OPCML: variants seen among roughly 807,000 people sequenced by gnomAD.
OPCML encodes opioid-binding protein/cell adhesion molecule.
A neutral mutation model predicts 37.8 loss-of-function variants in OPCML; 13 were observed. That is an observed-to-expected ratio of 0.34 (90% confidence interval 0.22 to 0.55). OPCML has a LOEUF of 0.55. Ranked by LOEUF, OPCML falls within the 20% of genes least tolerant of loss-of-function variation. OPCML has a pLI of 0.91. For missense variants in OPCML, 341 were observed against 435.6 expected, an observed-to-expected ratio of 0.78 and a Z score of 1.93; for synonymous variants, 176 against 168.8, an observed-to-expected ratio of 1.04 and a Z score of -0.33.
chr11:132,935,453 T>G (rs1351272605), intron 2 of OPCML, among the ~76,000 whole-genome samples: 1 of 152,208 alleles, frequency 6.6e-6, no homozygotes, highest in African/African-American at 2.4e-5. Context: ...CCAGAAAACT[T>G]AACAACCACT....
At position 132,420,157 on chromosome 11, in the gene OPCML, G is replaced by C. The variant is rs771344546; in HGVS notation, c.*36C>G. The C allele has an allele frequency of 3.8e-6, 6 of 1,580,902 alleles. No homozygotes were observed. Among genetic ancestry groups the C allele is most frequent in the Non-Finnish European group, 5.2e-6 (6 of 1,150,780 alleles). On this transcript the variant is annotated 3_prime_UTR_variant, in exon 8 of 8. Coordinates refer to ENST00000524381, the MANE Select transcript of OPCML (RefSeq NM_001012393.5). ...TGTAGATTAAAGTCTGTGATATGGAGAAGCAGGCGTTGCTCAGAGGACCTA... is the reference window on the plus strand; with the variant it reads ...TGTAGATTAAAGTCTGTGATATGGACAAGCAGGCGTTGCTCAGAGGACCTA...
At chr11:132,945,768 CT>C (rs1305005837) in intron 1 of OPCML, among the ~76,000 whole-genome samples, 1 of 152,148 alleles carries the variant, frequency 6.6e-6, no homozygotes, top group African/African-American at 2.4e-5. Flanking sequence ...TTATTCTAAG[CT>C]TTTTTCCACT....
rs146058098 is a variant in OPCML at position 132,471,511 on chromosome 11, T to G, written c.506-34152A>C. On this transcript the variant is annotated intron_variant, in intron 4 of 7. Coordinates refer to ENST00000524381, the MANE Select transcript of OPCML (RefSeq NM_001012393.5). ...CAAATGCCAGCTGGGGCTGCAACCA[T>G]CAGAAAGTTTGCTTGGGGCTGGAGG... 2.7e-3 allele frequency among the ~76,000 whole-genome samples: 412 copies of G among 152,300 alleles called. 2 individuals carry two copies. The highest frequency in any genetic ancestry group is 9.3e-3 in the African/African-American group (387 of 41,558).
chr11:132,507,597 A>AT (rs2096260044), intron 4 of OPCML, among the ~76,000 whole-genome samples: 2 of 147,764 alleles, frequency 1.4e-5, no homozygotes, highest in South Asian at 2.1e-4. Context: ...AAACAACAAA[A>AT]ATTTTTTTTA....
intron 1 of OPCML, chr11:133,419,352 T>C: frequency 9.1e-6 from 9 of 985,414 alleles, no homozygotes; most frequent in Non-Finnish European, 1.1e-5. Context: ...CTGATAGTGA[T>C]GTGCTGGAGT....
At chr11:132,611,181 C>T (rs554012459) in intron 3 of OPCML, among the ~76,000 whole-genome samples, 5 of 152,120 alleles carry the variant, frequency 3.3e-5, no homozygotes, top group African/African-American at 1.2e-4. Context: ...CCATTTCTAA[C>T]GATGTTGTAT....
chr11:132,747,248 AG>A (rs1945663541), intron 2 of OPCML, among the ~76,000 whole-genome samples: 1 of 152,204 alleles, frequency 6.6e-6, no homozygotes, highest in Non-Finnish European at 1.5e-5. Flanking sequence ...AATTTGGCCT[AG>A]GGTTTTCAGA....
chr11:132,683,726 A>G (rs1329123786), intron 2 of OPCML, among the ~76,000 whole-genome samples: 1 of 152,176 alleles, frequency 6.6e-6, no homozygotes, highest in Non-Finnish European at 1.5e-5. Context: ...ATGTGCTGTC[A>G]TTCAGAGTGA....
intron 2 of OPCML, among the ~76,000 whole-genome samples, chr11:132,929,724 T>C (rs1424151957): frequency 6.6e-6 from 1 of 152,120 alleles, no homozygotes; most frequent in Non-Finnish European, 1.5e-5. Flanking sequence ...CATAACCAAG[T>C]GAGATTTATT....
At chr11:132,538,755 C>T (rs1013760153) in intron 3 of OPCML, among the ~76,000 whole-genome samples, 1 of 152,176 alleles carries the variant, frequency 6.6e-6, no homozygotes, top group Admixed American at 6.5e-5. Flanking sequence ...TACTTGCCCA[C>T]TGTTTCCTCT....
chr11:132,851,896 T>C (rs757419324), intron 2 of OPCML, among the ~76,000 whole-genome samples: 1 of 152,176 alleles, frequency 6.6e-6, no homozygotes. Flanking sequence ...GAAAAAGTTA[T>C]ATGGCCAGTG....
intron 4 of OPCML, among the ~76,000 whole-genome samples, chr11:132,455,205 A>G (rs2096078592): frequency 6.6e-6 from 1 of 152,162 alleles, no homozygotes; most frequent in Non-Finnish European, 1.5e-5. Flanking sequence ...GCACAGAACC[A>G]CAGCCTTCCT....
chr11:133,493,518 A>C (rs985436849), intron 1 of OPCML, among the ~76,000 whole-genome samples: 1 of 152,192 alleles, frequency 6.6e-6, no homozygotes, highest in African/African-American at 2.4e-5. Context: ...ATTTCAAACC[A>C]ATAAGACACT....
intron 1 of OPCML, among the ~76,000 whole-genome samples, chr11:133,171,431 C>T (rs1242298198): frequency 2.0e-5 from 3 of 152,210 alleles, no homozygotes; most frequent in African/African-American, 7.2e-5. Context: ...TCAGTCCCCT[C>T]TCAGCTGGAA....
At chr11:133,518,876 C>A (rs892067221) in intron 1 of OPCML, among the ~76,000 whole-genome samples, 7 of 151,726 alleles carry the variant, frequency 4.6e-5, no homozygotes, top group Admixed American at 6.6e-5. Flanking sequence ...CCTGTGCCCG[C>A]CCCCTAGGGT....
chr11:132,791,763 T>G (rs746527998), intron 2 of OPCML, among the ~76,000 whole-genome samples: 1 of 152,150 alleles, frequency 6.6e-6, no homozygotes, highest in Admixed American at 6.5e-5. Flanking sequence ...CAAACTGATA[T>G]CTCAAATAAA....
At chr11:132,715,376 G>A (rs1591506256) in intron 2 of OPCML, among the ~76,000 whole-genome samples, 1 of 152,276 alleles carries the variant, frequency 6.6e-6, no homozygotes, top group South Asian at 2.1e-4. Context: ...TTAGTGTCAA[G>A]AACACAGACT....
At chr11:133,393,057 A>G (rs1368367878) in intron 1 of OPCML, among the ~76,000 whole-genome samples, 1 of 93,132 alleles carries the variant, frequency 1.1e-5, no homozygotes, top group African/African-American at 5.7e-5. Flanking sequence ...TTTTTTTTGC[A>G]TTTTTGTGGA....
chr11:132,582,536 A>C (rs2096464274), intron 3 of OPCML, among the ~76,000 whole-genome samples: 3 of 152,194 alleles, frequency 2.0e-5, no homozygotes, highest in Non-Finnish European at 4.4e-5. Flanking sequence ...GCAGTCAATG[A>C]TAACCTATAG....
Sources: allele counts gnomAD v4.1 joint callset (sites outside exome capture counted in the v4.1 genomes callset), GRCh38; gene constraint gnomAD v4.1.1; transcripts MANE v1.5; gene names NCBI Gene and HGNC (gene_info 2026-07-23, HGNC 2026-07-21).